RAB3GAP1: variants seen among roughly 807,000 people sequenced by gnomAD.
RAB3GAP1 encodes RAB3 GTPase activating protein catalytic subunit 1.
RAB3GAP1 carries 86 observed loss-of-function variants against 130.7 expected under a neutral mutation model. That is an observed-to-expected ratio of 0.66 (90% CI 0.55 to 0.79). The LOEUF is 0.79. Ranked by LOEUF, RAB3GAP1 falls within the 30% of genes least tolerant of loss-of-function variation. The pLI, the probability that RAB3GAP1 is intolerant of heterozygous loss-of-function variation, is 0.00. For missense variants in RAB3GAP1, 1,029 were observed against 1,169.4 expected, an observed-to-expected ratio of 0.88 and a Z score of 1.75; for synonymous variants, 367 against 401.7, an observed-to-expected ratio of 0.91 and a Z score of 1.03.
chr2:135,126,088 A>G, intron 9 of RAB3GAP1, 93 bp from the exon 10 acceptor site: 2 of 964,586 alleles, frequency 2.1e-6, no homozygotes, highest in East Asian at 2.4e-5. Flanking sequence ...CCACTGTAAC[A>G]TACTTTTATT....
chr2:135,057,003 T>C (rs1029651265), intron 2 of RAB3GAP1, among the ~76,000 whole-genome samples: 1 of 152,236 alleles, frequency 6.6e-6, no homozygotes, highest in African/African-American at 2.4e-5. Context: ...GATTGCATCA[T>C]ACTTAGCTTA....
At chr2:135,140,628 C>T (rs1409713481) in intron 17 of RAB3GAP1, among the ~76,000 whole-genome samples, 1 of 152,208 alleles carries the variant, frequency 6.6e-6, no homozygotes, top group Non-Finnish European at 1.5e-5. Context: ...ATTGTGACCA[C>T]ATGTGTGAAA....
chr2:135,112,828 TCTCTCTCA>T (rs960570593), intron 5 of RAB3GAP1, among the ~76,000 whole-genome samples: 12 of 125,824 alleles, frequency 9.5e-5, no homozygotes, highest in African/African-American at 4.1e-4. Flanking sequence ...TCTCTCTCTC[TCTCTCTCA>T]CACACACACA....
intron 13 of RAB3GAP1, 137 bp downstream of exon 13, chr2:135,130,858 C>T: frequency 1.2e-6 from 1 of 814,236 alleles, no homozygotes; most frequent in Admixed American, 2.5e-5. Context: ...AAAATTCCTA[C>T]TAGTTTAGTG....
chr2:135,060,538 G>A (rs551472329), intron 3 of RAB3GAP1, among the ~76,000 whole-genome samples: 1 of 151,864 alleles, frequency 6.6e-6, no homozygotes, highest in African/African-American at 2.4e-5. Flanking sequence ...GGGATTACAG[G>A]TGTGAGCCAC....
chr2:135,097,549 A>C (rs1333811047), intron 5 of RAB3GAP1, among the ~76,000 whole-genome samples: 1 of 152,108 alleles, frequency 6.6e-6, no homozygotes, highest in African/African-American at 2.4e-5. Context: ...TAATCCCTGG[A>C]ATCCCTGATC....
At position 135,164,605 on chromosome 2, in the gene RAB3GAP1, G is replaced by A. The variant is rs1485753799; in HGVS notation, c.2618G>A (p.Cys873Tyr). 1.2e-6 allele frequency: 2 copies of A among 1,611,940 alleles called. No individual in the cohort carries two copies. Among genetic ancestry groups the A allele is most frequent in the African/African-American group, 1.3e-5 (1 of 74,858 alleles). Residue 873 changes from cysteine (C) to tyrosine (Y), a missense_variant, in exon 23 of 24, where the codon TGC becomes TAC. By Grantham distance (194) the Cys-to-Tyr change is radical (BLOSUM62 -2). Coordinates refer to ENST00000264158, the MANE Select transcript of RAB3GAP1 (RefSeq NM_012233.3). ...EKEDLERFVS[C>Y]LLEQPEVLVT... Reference sequence around the variant, plus strand: ...TCTCTGTCTCCTAGGTTTGTGAGTTGCCTGCTGGAGCAGCCTGAAGTGTTA... The same window carrying A: ...TCTCTGTCTCCTAGGTTTGTGAGTTACCTGCTGGAGCAGCCTGAAGTGTTA...
intron 3 of RAB3GAP1, among the ~76,000 whole-genome samples, chr2:135,080,116 C>CAAAAAAAAAAAAAAAAAAAAAAAA (rs764426198): frequency 1.4e-5 from 1 of 73,300 alleles, no homozygotes; most frequent in Non-Finnish European, 3.2e-5. Context: ...GACTCCGTCT[C>CAAAAAAAAAAAAAAAAAAAAAAAA]AAAAAAAAAA....
At chr2:135,070,410 T>A (rs1345736128) in intron 3 of RAB3GAP1, among the ~76,000 whole-genome samples, 1 of 152,238 alleles carries the variant, frequency 6.6e-6, no homozygotes, top group Non-Finnish European at 1.5e-5. Context: ...AGAAGGACTT[T>A]ACCATGGTAT....
chr2:135,105,990 G>C (rs1300893617), intron 5 of RAB3GAP1, among the ~76,000 whole-genome samples: 1 of 150,624 alleles, frequency 6.6e-6, no homozygotes, highest in Non-Finnish European at 1.5e-5. Flanking sequence ...GAGCCCCTCC[G>C]CCCGGCAGCT....
At chr2:135,101,079 T>TAGC (rs1294524481) in intron 5 of RAB3GAP1, among the ~76,000 whole-genome samples, 1 of 152,214 alleles carries the variant, frequency 6.6e-6, no homozygotes, top group Non-Finnish European at 1.5e-5. Context: ...AGGTTGGGTA[T>TAGC]AGCAGTAGAG....
At chr2:135,078,314 T>A (rs1689686270) in intron 3 of RAB3GAP1, among the ~76,000 whole-genome samples, 1 of 152,276 alleles carries the variant, frequency 6.6e-6, no homozygotes, top group East Asian at 1.9e-4. Context: ...CTATGATAAA[T>A]TTATAATTCT....
At position 135,094,272 on chromosome 2, in the gene RAB3GAP1, G is replaced by C. The variant is rs958159357; in HGVS notation, c.362+579G>C. Among the ~76,000 whole-genome samples the C allele has an allele frequency of 6.6e-5, 10 of 151,514 alleles. 1 individual carries two copies. In the South Asian group the frequency reaches 1.9e-3, roughly 29 times the overall value. ...TTTTTTTGGTTTGTTTTTTCTTTCAGTTTTTTTGTTTTTAATTATTGTAGA... is the reference window on the plus strand; with the variant it reads ...TTTTTTTGGTTTGTTTTTTCTTTCACTTTTTTTGTTTTTAATTATTGTAGA... On this transcript the variant is annotated intron_variant, in intron 5 of 23. Transcript: ENST00000264158.
intron 19 of RAB3GAP1, among the ~76,000 whole-genome samples, chr2:135,161,296 T>C (rs952865885): frequency 3.3e-5 from 5 of 152,118 alleles, no homozygotes; most frequent in Non-Finnish European, 7.3e-5. Context: ...TGAGGAGCTA[T>C]CCACTACTAT....
At chr2:135,117,705 G>GCTTCTT (rs1691057335) in intron 7 of RAB3GAP1, among the ~76,000 whole-genome samples, 1 of 19,214 alleles carries the variant, frequency 5.2e-5, no homozygotes, top group Admixed American at 5.0e-4. Context: ...TGCTTCTTCT[G>GCTTCTT]CTTCTGCTTC....
At chr2:135,083,767 G>GTTTT (rs34087354) in intron 3 of RAB3GAP1, among the ~76,000 whole-genome samples, 9 of 98,238 alleles carry the variant, frequency 9.2e-5, no homozygotes, top group South Asian at 3.7e-4. Context: ...ACCCAACACG[G>GTTTT]TTTTTTTTTT....
At chr2:135,140,954 A>G (rs1022078962) in intron 17 of RAB3GAP1, among the ~76,000 whole-genome samples, 3 of 152,166 alleles carry the variant, frequency 2.0e-5, no homozygotes, top group Admixed American at 1.3e-4. Flanking sequence ...TCTTTTCTGC[A>G]CACTTGATAT....
chr2:135,084,141 A>G (rs539743072), intron 3 of RAB3GAP1, among the ~76,000 whole-genome samples: 3 of 152,244 alleles, frequency 2.0e-5, no homozygotes, highest in African/African-American at 7.2e-5. Context: ...GCTACTTGGG[A>G]GGCTGAGGCA....
chr2:135,109,711 A>C (rs1386813773), intron 5 of RAB3GAP1, among the ~76,000 whole-genome samples: 1 of 151,356 alleles, frequency 6.6e-6, no homozygotes, highest in Non-Finnish European at 1.5e-5. Context: ...CCTCCTGAGT[A>C]GCTGGGACTA....
Sources: allele counts gnomAD v4.1 joint callset (sites outside exome capture counted in the v4.1 genomes callset), GRCh38; gene constraint gnomAD v4.1.1; transcripts MANE v1.5; gene names NCBI Gene and HGNC (gene_info 2026-07-23, HGNC 2026-07-21).